TMEM200A: variants seen among roughly 807,000 people sequenced by gnomAD.
The protein encoded by TMEM200A is transmembrane protein 200A.
A neutral mutation model predicts 24.3 loss-of-function variants in TMEM200A; 12 were observed. The observed-to-expected ratio is 0.49, with a 90% CI of 0.32 to 0.80. The LOEUF (loss-of-function observed/expected upper bound fraction) is 0.80. Ranked by LOEUF, TMEM200A falls within the 30% of genes least tolerant of loss-of-function variation. The probability of loss-of-function intolerance (pLI) is 0.04; values close to 1 mark genes in which losing one functional copy is unlikely to be tolerated. For missense variants in TMEM200A, 545 were observed against 614.4 expected (o/e 0.89, Z 1.19); for synonymous variants, 224 against 224.4 (o/e 1.00, Z 0.02).
At chr6:130,409,193 G>A (rs1353353747) in intron 2 of TMEM200A, among the ~76,000 whole-genome samples, 1 of 151,850 alleles carries the variant, frequency 6.6e-6, no homozygotes, top group African/African-American at 2.4e-5. Context: ...TCTGTCACAG[G>A]TGTTTTCCCC....
At chr6:130,390,766 A>G (rs1178814389) in intron 2 of TMEM200A, among the ~76,000 whole-genome samples, 4 of 152,184 alleles carry the variant, frequency 2.6e-5, no homozygotes, top group Non-Finnish European at 4.4e-5. Flanking sequence ...TGCTCCTTCT[A>G]AAGTCAGCTT....
chr6:130,383,888 CG>C (rs113248360), intron 1 of TMEM200A, among the ~76,000 whole-genome samples: 2 of 151,932 alleles, frequency 1.3e-5, no homozygotes, highest in East Asian at 1.9e-4. Context: ...GAGGCTGAGA[CG>C]GGGGGGATCC....
rs531405978 is a variant in TMEM200A at position 130,431,500 on chromosome 6, A to AC, written c.-16-8906dup. ...GGAAATGCAGAGAATGGGGAGTGTG[A>AC]CAGTGATTGTGTAAGAGCTTGTCCA... is the stretch of plus-strand genomic sequence containing the variant. On this transcript the variant is annotated intron_variant, in intron 2 of 2. Coordinates refer to ENST00000296978, the MANE Select transcript of TMEM200A (RefSeq NM_001258277.2). Among the ~76,000 whole-genome samples, 6 of 152,324 alleles carry AC rather than the reference A, an allele frequency of 3.9e-5. No homozygotes were observed. In the South Asian group the frequency reaches 8.3e-4, roughly 21 times the overall value.
chr6:130,378,072 G>C (rs1291371346), intron 1 of TMEM200A, among the ~76,000 whole-genome samples: 2 of 152,174 alleles, frequency 1.3e-5, no homozygotes, highest in Admixed American at 1.3e-4. Context: ...GACTGTGTGA[G>C]TAGCATTAGC....
chr6:130,392,929 T>C (rs1165033231), intron 2 of TMEM200A, among the ~76,000 whole-genome samples: 1 of 152,272 alleles, frequency 6.6e-6, no homozygotes, highest in Admixed American at 6.5e-5. Flanking sequence ...TTTTGGTTTT[T>C]ACAGTGAGTA....
At chr6:130,425,999 A>T (rs1325706060) in intron 2 of TMEM200A, among the ~76,000 whole-genome samples, 1 of 152,230 alleles carries the variant, frequency 6.6e-6, no homozygotes, top group Non-Finnish European at 1.5e-5. Flanking sequence ...TAACACTATT[A>T]GTATTTGATT....
intron 1 of TMEM200A, among the ~76,000 whole-genome samples, chr6:130,373,268 ATGT>A (rs890260069): frequency 6.6e-6 from 1 of 152,134 alleles, no homozygotes; most frequent in Non-Finnish European, 1.5e-5. Context: ...TTCTGAAGAG[ATGT>A]TGTTAGATTT....
chr6:130,420,889 A>G (rs902064821), intron 2 of TMEM200A, among the ~76,000 whole-genome samples: 2 of 152,066 alleles, frequency 1.3e-5, no homozygotes, highest in African/African-American at 2.4e-5. Flanking sequence ...CTTCATGGCC[A>G]GGCTGTGACC....
At chr6:130,397,621 GT>G (rs148659888) in intron 2 of TMEM200A, among the ~76,000 whole-genome samples, 12,547 of 150,674 alleles carry the variant, frequency 0.083, 1,185 homozygotes, top group African/African-American at 0.23. Context: ...TAAATTTGTG[GT>G]TTTTTTTGAA....
At chr6:130,408,096 A>G (rs551272433) in intron 2 of TMEM200A, among the ~76,000 whole-genome samples, 1 of 152,278 alleles carries the variant, frequency 6.6e-6, no homozygotes, top group East Asian at 1.9e-4. Context: ...TGGAAACAGT[A>G]TTCCCAGGAT....
intron 2 of TMEM200A, among the ~76,000 whole-genome samples, chr6:130,419,187 A>T (rs368665123): frequency 2.0e-5 from 3 of 152,278 alleles, no homozygotes; most frequent in African/African-American, 7.2e-5. Flanking sequence ...TTTCTGTGCC[A>T]GACTTATTTC....
At chr6:130,433,151 T>C (rs2115216024) in intron 2 of TMEM200A, among the ~76,000 whole-genome samples, 1 of 151,988 alleles carries the variant, frequency 6.6e-6, no homozygotes, top group African/African-American at 2.4e-5. Context: ...TTTTTTTTTT[T>C]TTGAGACGGA....
chr6:130,406,984 C>A (rs921114013), intron 2 of TMEM200A, among the ~76,000 whole-genome samples: 2 of 152,010 alleles, frequency 1.3e-5, no homozygotes, highest in African/African-American at 2.4e-5. Context: ...TAAATGTAAA[C>A]CTTAAAGAGT....
intron 2 of TMEM200A, among the ~76,000 whole-genome samples, chr6:130,402,073 T>TA (rs11396507): frequency 0.2 from 29,257 of 144,322 alleles, 3,205 homozygotes; most frequent in African/African-American, 0.3. Context: ...CTGCCTTTCT[T>TA]AAAAAAAAAA....
chr6:130,422,561 A>C (rs181426863), intron 2 of TMEM200A, among the ~76,000 whole-genome samples: 42 of 152,212 alleles, frequency 2.8e-4, no homozygotes, highest in Admixed American at 5.2e-4. Flanking sequence ...GCCACCACAC[A>C]CAGCCTTATT....
intron 2 of TMEM200A, 54 bp from the exon 3 acceptor site, chr6:130,440,353 C>A: frequency 6.8e-7 from 1 of 1,461,024 alleles, no homozygotes; most frequent in Non-Finnish European, 9.0e-7. Flanking sequence ...AACTGATGCT[C>A]ATACCCCAGG....
intron 2 of TMEM200A, among the ~76,000 whole-genome samples, chr6:130,432,949 A>G (rs1374178115): frequency 6.6e-6 from 1 of 152,086 alleles, no homozygotes; most frequent in Non-Finnish European, 1.5e-5. Flanking sequence ...CAAGCCTGCT[A>G]GGTCTTCTGC....
At chr6:130,424,208 T>C (rs1317378469) in intron 2 of TMEM200A, among the ~76,000 whole-genome samples, 1 of 152,174 alleles carries the variant, frequency 6.6e-6, no homozygotes, top group African/African-American at 2.4e-5. Flanking sequence ...TTGTGTGTTC[T>C]TTAAGCTAAA....
At chr6:130,407,240 A>C (rs1361141183) in intron 2 of TMEM200A, among the ~76,000 whole-genome samples, 1 of 152,210 alleles carries the variant, frequency 6.6e-6, no homozygotes, top group Non-Finnish European at 1.5e-5. Context: ...CATCTGAAAT[A>C]CAGTGACAGA....
Sources: gnomAD v4.1 joint callset for allele counts (sites outside exome capture counted in the v4.1 genomes callset) on GRCh38, gnomAD v4.1.1 for gene constraint, MANE v1.5 for transcripts, NCBI Gene and HGNC (gene_info 2026-07-23, HGNC 2026-07-21) for gene names.